The following DYNC2LI1 variants were observed in gnomAD, a reference collection of about 807,000 sequenced individuals.
DYNC2LI1 encodes the protein cytoplasmic dynein 2 light intermediate chain 1.
Under a neutral mutation model 51.9 loss-of-function variants are expected in DYNC2LI1, and 45 were observed. The ratio of observed to expected loss-of-function variants is 0.87; its 90% CI spans 0.68 to 1.11. The LOEUF (loss-of-function observed/expected upper bound fraction) is 1.11, where lower values mean the gene tolerates loss of function less well. Among genes scored for constraint, DYNC2LI1 ranks in the 50% most tolerant of loss-of-function variants. DYNC2LI1 has a pLI of 0.00. For synonymous variants in DYNC2LI1, 130 were observed against 137.8 expected (o/e 0.94, Z 0.40); for missense variants, 490 against 417.4 (o/e 1.17, Z -1.51).
chr2:43,774,790 T>TAC (rs113805814), intron 1 of DYNC2LI1, among the ~76,000 whole-genome samples: 3,829 of 152,240 alleles, frequency 0.025, 170 homozygotes, highest in African/African-American at 0.086. Flanking sequence ...GATAATTGGT[T>TAC]AGTTATAAAG....
At chr2:43,816,808 G>A in the DYNC2LI1 span, among the ~76,000 whole-genome samples, 1 of 152,138 alleles carries the variant, frequency 6.6e-6, no homozygotes, top group Admixed American at 6.5e-5. Context: ...TAAAATTCTA[G>A]CAAGAACTAC....
At chr2:43,824,972 C>T in the DYNC2LI1 span, 1 of 1,614,010 alleles carries the variant, frequency 6.2e-7, no homozygotes, top group Non-Finnish European at 8.5e-7. Flanking sequence ...TGGCGTGCCA[C>T]AGAAAATCAG....
intron 4 of DYNC2LI1, among the ~76,000 whole-genome samples, chr2:43,788,751 A>G (rs1378451332): frequency 6.6e-6 from 1 of 152,006 alleles, no homozygotes. Flanking sequence ...TCCCAAGTAA[A>G]CTGTCACCAC....
intron 5 of DYNC2LI1, chr2:43,792,921 T>C: frequency 9.5e-7 from 1 of 1,056,882 alleles, no homozygotes; most frequent in Non-Finnish European, 1.3e-6. Context: ...ATTTGGGTTG[T>C]TTTCATCTTT....
intron 7 of DYNC2LI1, 124 bp downstream of exon 7, chr2:43,796,082 T>G: frequency 4.2e-6 from 3 of 717,562 alleles, no homozygotes; most frequent in Non-Finnish European, 6.9e-6. Context: ...AAGTCATGCA[T>G]CTTAAAGATT....
At chr2:43,820,137 G>A in the DYNC2LI1 span, 2 of 1,595,646 alleles carry the variant, frequency 1.3e-6, no homozygotes, top group Non-Finnish European at 1.7e-6. Context: ...CCTCTCCAAG[G>A]GCTATCATTT....
chr2:43,795,140 A>G, intron 6 of DYNC2LI1: 2 of 992,566 alleles, frequency 2.0e-6, no homozygotes, highest in Non-Finnish European at 2.4e-6. Context: ...TGGTAACACA[A>G]GTTCTTCAAA....
At chr2:43,826,333 C>T in the DYNC2LI1 span, 1 of 1,612,342 alleles carries the variant, frequency 6.2e-7, no homozygotes, top group African/African-American at 1.3e-5. Flanking sequence ...CCCTGTGATT[C>T]CCAGCTCAAC....
chr2:43,787,270 A>G lies in DYNC2LI1; in HGVS notation c.231+20A>G, dbSNP rs113013982. On this transcript the variant is annotated intron_variant, in intron 4 of 12. Coordinates refer to ENST00000260605, the MANE Select transcript of DYNC2LI1 (RefSeq NM_016008.4). ...AACACAGTAAGTGTCTTTTAAAGTG[A>G]CATTGCTATGCCCATAGATGGGAAA... The G allele has an allele frequency of 7.6e-6, 12 of 1,580,536 alleles. No homozygotes were observed. The highest frequency in any genetic ancestry group is 1.0e-5 in the Non-Finnish European group (12 of 1,151,138).
At chr2:43,775,360 T>C (rs1672962382) in intron 1 of DYNC2LI1, among the ~76,000 whole-genome samples, 1 of 152,238 alleles carries the variant, frequency 6.6e-6, no homozygotes, top group Non-Finnish European at 1.5e-5. Flanking sequence ...TAGTTTAATA[T>C]TCCATTTTCA....
intron 2 of DYNC2LI1, among the ~76,000 whole-genome samples, chr2:43,782,576 T>C (rs1673342497): frequency 1.3e-5 from 2 of 151,616 alleles, no homozygotes; most frequent in East Asian, 3.9e-4. Context: ...AGGATTTTAC[T>C]ATTTTTTAAA....
rs1209755065 is a variant in DYNC2LI1, at chr2:43,776,887, C to T, written c.114C>T (p.Gly38=). 3 of 1,537,756 alleles carry T rather than the reference C, an allele frequency of 2.0e-6. No individual in the cohort carries two copies. Among genetic ancestry groups the T allele is most frequent in the Non-Finnish European group, 2.7e-6 (3 of 1,117,384 alleles). Reference sequence around the variant, plus strand: ...CAGAAAAATTTGTTTTCTTCATTGGCAGTAAAAATGGGGTAATGCTTTCTT... The same window carrying T: ...CAGAAAAATTTGTTTTCTTCATTGGTAGTAAAAATGGGGTAATGCTTTCTT... The part of the protein sequence containing the change: ...EIAEKFVFFI[G]SKNGGKTTII... The change falls in exon 2 of 13, where the codon GGC becomes GGT. Residue 38 remains glycine, a synonymous_variant. Transcript: ENST00000260605.
chr2:43,813,242 CT>C, downstream of DYNC2LI1: 1 of 1,613,948 alleles, frequency 6.2e-7, no homozygotes. Context: ...GGCAGGTTTT[CT>C]CAATGAATTG....
chr2:43,823,091 G>A, the DYNC2LI1 span, among the ~76,000 whole-genome samples: 1 of 133,768 alleles, frequency 7.5e-6, no homozygotes, highest in African/African-American at 2.8e-5. Context: ...GCCATCCACA[G>A]GACAATAAAT....
chr2:43,818,399 GC>G, the DYNC2LI1 span, among the ~76,000 whole-genome samples: 10 of 152,130 alleles, frequency 6.6e-5, no homozygotes, highest in African/African-American at 2.4e-4. Flanking sequence ...AGCTGAGATC[GC>G]GCCATTGCAC....
intron 12 of DYNC2LI1, among the ~76,000 whole-genome samples, chr2:43,806,695 A>G (rs1666270832): frequency 6.6e-6 from 1 of 152,220 alleles, no homozygotes; most frequent in Non-Finnish European, 1.5e-5. Context: ...AAGTTCATAT[A>G]CATCAGTATT....
the DYNC2LI1 span, among the ~76,000 whole-genome samples, chr2:43,817,592 T>C: frequency 6.6e-6 from 1 of 152,004 alleles, no homozygotes; most frequent in Non-Finnish European, 1.5e-5. Flanking sequence ...AAACCCATCA[T>C]AAGTTGAAAA....
At chr2:43,777,002 G>T in intron 2 of DYNC2LI1, 103 bp downstream of exon 2, 1 of 607,966 alleles carries the variant, frequency 1.6e-6, no homozygotes, top group South Asian at 3.0e-5. Flanking sequence ...ACTTTAACCA[G>T]ATGACCAATC....
At chr2:43,784,446 T>G (rs963709789) in intron 3 of DYNC2LI1, among the ~76,000 whole-genome samples, 1 of 148,826 alleles carries the variant, frequency 6.7e-6, no homozygotes, top group Non-Finnish European at 1.5e-5. Context: ...CTTTCTTTCT[T>G]TTTTTTTTTT....
Sources: allele counts gnomAD v4.1 joint callset (sites outside exome capture counted in the v4.1 genomes callset), GRCh38; gene constraint gnomAD v4.1.1; transcripts MANE v1.5; gene names NCBI Gene and HGNC (gene_info 2026-07-23, HGNC 2026-07-21).